AOAH: variants seen among roughly 807,000 people sequenced by gnomAD.
AOAH encodes the protein acyloxyacyl hydrolase, also known as acyloxyacyl hydrolase (neutrophil).
In AOAH, 64 loss-of-function variants were observed where a neutral mutation model predicts 92.2. The observed-to-expected ratio is 0.69, with a 90% CI of 0.57 to 0.86. AOAH has a LOEUF of 0.86. Ranked by LOEUF, AOAH falls within the 40% of genes least tolerant of loss-of-function variation. The probability of loss-of-function intolerance (pLI) is 0.00; values close to 1 mark genes in which losing one functional copy is unlikely to be tolerated. For missense variants in AOAH, 656 were observed against 694.6 expected, an observed-to-expected ratio of 0.94 and a Z score of 0.62; for synonymous variants, 263 against 254.5, an observed-to-expected ratio of 1.03 and a Z score of -0.32.
At chr7:36,635,711 C>G (rs979937664) in intron 5 of AOAH, among the ~76,000 whole-genome samples, 1 of 151,338 alleles carries the variant, frequency 6.6e-6, no homozygotes, top group African/African-American at 2.5e-5. Context: ...AAGCTACTGG[C>G]CTAGTAGAAA....
chr7:36,577,219 T>C (rs536681043), intron 12 of AOAH, among the ~76,000 whole-genome samples: 1 of 152,296 alleles, frequency 6.6e-6, no homozygotes, highest in East Asian at 1.9e-4. Flanking sequence ...GGCACATCAC[T>C]AAGTTCTGGG....
intron 2 of AOAH, among the ~76,000 whole-genome samples, chr7:36,677,821 A>G (rs1796349698): frequency 6.6e-6 from 1 of 152,220 alleles, no homozygotes. Context: ...TCTCTAAAAC[A>G]CTATGCTAAG....
intron 9 of AOAH, among the ~76,000 whole-genome samples, chr7:36,619,724 G>A (rs1367157431): frequency 1.3e-5 from 2 of 152,156 alleles, no homozygotes; most frequent in South Asian, 4.1e-4. Flanking sequence ...GACTGTTGGT[G>A]CAAGCCTGGA....
In AOAH at chr7:36,621,917, A is replaced by T. The variant is rs1266356363; in HGVS notation, c.583-137T>A. 7 of 751,238 alleles carry T rather than the reference A, an allele frequency of 9.3e-6. No individual in the cohort carries two copies. In the East Asian group the frequency reaches 1.8e-4, roughly 19 times the overall value. The allele number at this position is 751,238 out of a possible 1,614,324, so 46.5% of individuals were successfully genotyped here. A position where few individuals can be genotyped will look rare whatever the true frequency, so the allele number is the denominator to read the frequency against. On this transcript the variant is annotated intron_variant, in intron 7 of 20. Coordinates refer to ENST00000617537, the MANE Select transcript of AOAH (RefSeq NM_001637.4). ...ATTCAATCTAGGATCACTAAAGAGC[A>T]CTAAGAAAATTAAGATTAATATGAT...
intron 13 of AOAH, among the ~76,000 whole-genome samples, chr7:36,558,807 C>T (rs1338836923): frequency 1.3e-5 from 2 of 152,258 alleles, no homozygotes; most frequent in African/African-American, 4.8e-5. Flanking sequence ...TCCTGGTGCG[C>T]TGTTTCCTAA....
intron 3 of AOAH, among the ~76,000 whole-genome samples, chr7:36,664,758 G>T (rs1795439542): frequency 6.6e-6 from 1 of 152,154 alleles, no homozygotes; most frequent in Non-Finnish European, 1.5e-5. Flanking sequence ...AAGAAAAGAG[G>T]TTTACTTGGC....
chr7:36,561,136 G>A (rs1448535382), intron 13 of AOAH, among the ~76,000 whole-genome samples: 1 of 151,040 alleles, frequency 6.6e-6, no homozygotes, highest in Non-Finnish European at 1.5e-5. Flanking sequence ...CCACCTCCCA[G>A]GTTCAAGGGA....
intron 11 of AOAH, among the ~76,000 whole-genome samples, chr7:36,611,782 T>C (rs1338076036): frequency 5.3e-5 from 8 of 152,150 alleles, no homozygotes; most frequent in Non-Finnish European, 1.2e-4. Flanking sequence ...CTTTGTCTGG[T>C]TGGAATTCAA....
At chr7:36,573,202 C>T (rs545206419) in intron 13 of AOAH, among the ~76,000 whole-genome samples, 5 of 152,152 alleles carry the variant, frequency 3.3e-5, no homozygotes, top group Admixed American at 1.3e-4. Flanking sequence ...TAGAGAAGGA[C>T]CAGAGGAGCC....
chr7:36,598,170 T>G (rs938710722), intron 11 of AOAH: 4 of 152,220 alleles, frequency 2.6e-5, no homozygotes, highest in African/African-American at 4.8e-5. Flanking sequence ...CCTGGGAGAT[T>G]CCTGGAATCC....
chr7:36,692,579 G>A (rs1473290093), intron 1 of AOAH, among the ~76,000 whole-genome samples: 1 of 152,144 alleles, frequency 6.6e-6, no homozygotes, highest in Non-Finnish European at 1.5e-5. Flanking sequence ...GCATTGATAA[G>A]TGAGCAAAGC....
intron 12 of AOAH, among the ~76,000 whole-genome samples, chr7:36,576,894 T>A (rs1165831223): frequency 6.6e-6 from 1 of 152,176 alleles, no homozygotes; most frequent in Admixed American, 6.5e-5. Flanking sequence ...GACATAAAAC[T>A]TTTTCTTTTG....
chr7:36,692,050 T>G (rs552842118), intron 1 of AOAH, among the ~76,000 whole-genome samples: 1 of 152,200 alleles, frequency 6.6e-6, no homozygotes, highest in South Asian at 2.1e-4. Context: ...TGAAGAATTA[T>G]CCAACTGTGC....
At chr7:36,674,086 G>A in intron 2 of AOAH, 77 bp from the exon 3 acceptor site, 1 of 806,378 alleles carries the variant, frequency 1.2e-6, no homozygotes, top group Non-Finnish European at 2.0e-6. Context: ...GATTATCTTT[G>A]CTAGGAACTG....
At chr7:36,611,391 G>A (rs1288385950) in intron 11 of AOAH, among the ~76,000 whole-genome samples, 1 of 152,174 alleles carries the variant, frequency 6.6e-6, no homozygotes, top group Non-Finnish European at 1.5e-5. Context: ...CTGCCAAAAC[G>A]TAGGAGTGGG....
rs556846556 is a variant in AOAH, at chr7:36,700,607, A to G, written c.128-13813T>C. ...TTGATGGACACTTAATTAATTCCATATATTTGCTATTGTGAATAGTGCTGC... is the reference window on the plus strand; with the variant it reads ...TTGATGGACACTTAATTAATTCCATGTATTTGCTATTGTGAATAGTGCTGC... On this transcript the variant is annotated intron_variant, in intron 1 of 20. Transcript: ENST00000617537. Among the ~76,000 whole-genome samples the G allele has an allele frequency of 5.9e-5, 9 of 152,214 alleles. No homozygotes were observed. In the East Asian group the frequency reaches 7.7e-4, roughly 13 times the overall value.
intron 4 of AOAH, among the ~76,000 whole-genome samples, chr7:36,656,315 TAG>T (rs1562664914): frequency 2.0e-5 from 3 of 152,314 alleles, no homozygotes; most frequent in South Asian, 2.1e-4. Context: ...CATTCAAGGA[TAG>T]AGTTTCCTAA....
At chr7:36,584,666 T>C (rs1789179187) in intron 12 of AOAH, among the ~76,000 whole-genome samples, 1 of 152,248 alleles carries the variant, frequency 6.6e-6, no homozygotes, top group African/African-American at 2.4e-5. Flanking sequence ...ATACTTATTA[T>C]AGGACACACT....
chr7:36,616,511 C>CA lies in AOAH; in HGVS notation c.752-38dup, dbSNP rs771022873. 6.4e-5 allele frequency: 101 copies of CA among 1,577,788 alleles called. 1 individual carries two copies. Among genetic ancestry groups the CA allele is most frequent in the Non-Finnish European group, 8.3e-5 (95 of 1,149,544 alleles). ...AATTTATTCACATTATTTATGCACT[C>CA]AAGTAGTTTGGAACCTCCAGACTGG... is the stretch of plus-strand genomic sequence containing the variant. On this transcript the variant is annotated intron_variant, in intron 10 of 20. Transcript: ENST00000617537.
Sources: allele counts gnomAD v4.1 joint callset (sites outside exome capture counted in the v4.1 genomes callset), GRCh38; gene constraint gnomAD v4.1.1; transcripts MANE v1.5; gene names NCBI Gene and HGNC (gene_info 2026-07-23, HGNC 2026-07-21).